The following PLEKHG1 variants were observed in gnomAD, a reference collection of about 807,000 sequenced individuals.
PLEKHG1 encodes the protein pleckstrin homology domain-containing family G member 1.
PLEKHG1 carries 44 observed loss-of-function variants against 100.8 expected under a neutral mutation model. That is an observed-to-expected ratio of 0.44 (90% CI 0.34 to 0.56). PLEKHG1 has a LOEUF of 0.56. PLEKHG1 is among the 20% of genes least tolerant of loss of function. The pLI, the probability that PLEKHG1 is intolerant of heterozygous loss-of-function variation, is 0.01. For missense variants in PLEKHG1, 1,545 were observed against 1,720.9 expected (o/e 0.90, Z 1.81); for synonymous variants, 640 against 662.5 (o/e 0.97, Z 0.52).
chr6:150,601,821 A>C (rs1776370956), intron 1 of PLEKHG1, among the ~76,000 whole-genome samples: 1 of 152,124 alleles, frequency 6.6e-6, no homozygotes, highest in Non-Finnish European at 1.5e-5. Context: ...AACTGCCCCG[A>C]TTCTGCTCGT....
chr6:150,754,147 T>G (rs1783686953), intron 2 of PLEKHG1, among the ~76,000 whole-genome samples: 2 of 152,164 alleles, frequency 1.3e-5, no homozygotes, highest in Non-Finnish European at 2.9e-5. Context: ...GGAGGATTCC[T>G]GGGAAGAATC....
chr6:150,619,278 T>A (rs1290191955), intron 1 of PLEKHG1, among the ~76,000 whole-genome samples: 1 of 152,234 alleles, frequency 6.6e-6, no homozygotes, highest in East Asian at 1.9e-4. Flanking sequence ...CCTTTGCACT[T>A]TAGCACCCCT....
rs111882498 is a variant in PLEKHG1 at position 150,811,271 on chromosome 6, ATGT to A, written c.1278+1539_1278+1541del. 9.8e-3 allele frequency among the ~76,000 whole-genome samples: 834 copies of A among 85,352 alleles called. 12 individuals carry two copies. In the East Asian group the frequency reaches 0.18, roughly 18 times the overall value. 56.0% of individuals were successfully genotyped at this position (85,352 alleles called of 152,430 possible). On this transcript the variant is annotated intron_variant, in intron 10 of 15. Coordinates refer to ENST00000358517, the Ensembl canonical transcript of PLEKHG1. The stretch of plus-strand genomic sequence containing the variant: ...TTACCTCAGTCTTAAAGGATAGGGA[ATGT>A]TTTTTTTTTTTTAAAGACAGGATCT...
intron 14 of PLEKHG1, 122 bp downstream of exon 15, chr6:150,823,798 G>A: frequency 1.4e-6 from 1 of 696,644 alleles, no homozygotes; most frequent in Non-Finnish European, 2.5e-6. Context: ...TTTACATTTT[G>A]GAAATATGGT....
At chr6:150,616,924 G>C (rs1294089601) in intron 1 of PLEKHG1, among the ~76,000 whole-genome samples, 1 of 152,032 alleles carries the variant, frequency 6.6e-6, no homozygotes, top group African/African-American at 2.4e-5. Context: ...GGTAAATGTT[G>C]AAGTTCTAGA....
chr6:150,667,102 T>G (rs1582914061), intron 3 of PLEKHG1, among the ~76,000 whole-genome samples: 1 of 149,614 alleles, frequency 6.7e-6, no homozygotes, highest in East Asian at 1.9e-4. Flanking sequence ...GTGTGTGTGT[T>G]TGTGTGTGTG....
At position 150,634,280 on chromosome 6, in the gene PLEKHG1, GA is replaced by G. The variant is rs10693410; in HGVS notation, c.-203-3790del. ...AAAAAAAAGAAAAAAAGAGGAAGAA[GA>G]AAAAAAAAAGAACTGTGATCAAGCA... On this transcript the variant is annotated intron_variant, in intron 1 of 3. Transcript: ENST00000367326. Among the ~76,000 whole-genome samples, 330 of 145,030 alleles carry G rather than the reference GA, an allele frequency of 2.3e-3. 3 individuals are homozygous for G. Among genetic ancestry groups the G allele is most frequent in the African/African-American group, 8.0e-3 (309 of 38,590 alleles).
chr6:150,619,922 TTTGAGGGCATAAA>T (rs1435572740), intron 1 of PLEKHG1, among the ~76,000 whole-genome samples: 1 of 152,150 alleles, frequency 6.6e-6, no homozygotes, highest in African/African-American at 2.4e-5. Flanking sequence ...CTGCTTATAG[TTTGAGGGCATAAA>T]TTGATGTCTT....
rs907130000 is a variant in PLEKHG1 at position 150,683,998 on chromosome 6, A to G, written c.-99+33212A>G. 2.8e-6 allele frequency: 1 copy of G among 361,574 alleles called. No homozygotes were observed. The highest frequency in any genetic ancestry group is 5.3e-6 in the Non-Finnish European group (1 of 187,772). The allele number at this position is 361,574 out of a possible 1,614,324, so 22.4% of individuals were successfully genotyped here. ...TATCAGGCAGCCTCCTCGGGCGGAG[A>G]CCGCAGGTAGATGTCCCTGGCCTCT... On this transcript the variant is annotated intron_variant, in intron 3 of 3. Transcript: ENST00000367326. The surrounding 1 kb of genome is among the most constrained non-coding windows in gnomAD (Gnocchi z 4.0).
At chr6:150,756,250 C>G (rs3734409) in intron 2 of PLEKHG1, among the ~76,000 whole-genome samples, 18,088 of 152,174 alleles carry the variant, frequency 0.12, 1,164 homozygotes, top group East Asian at 0.17. Flanking sequence ...CTTGCAGACA[C>G]CCTCCAGCTC....
At chr6:150,614,797 C>T (rs905151050) in intron 1 of PLEKHG1, among the ~76,000 whole-genome samples, 24 of 152,208 alleles carry the variant, frequency 1.6e-4, no homozygotes, top group African/African-American at 5.3e-4. Flanking sequence ...TACTTCTGGT[C>T]AGTGCACCAC....
intron 1 of PLEKHG1, among the ~76,000 whole-genome samples, chr6:150,722,349 C>CTTTTTTT (rs139069069): frequency 1.2e-4 from 11 of 90,672 alleles, no homozygotes; most frequent in Non-Finnish European, 1.9e-4. Context: ...TTTTTCTTTT[C>CTTTTTTT]TTTTTTTTTT....
At chr6:150,722,682 A>C (rs1781762036) in intron 1 of PLEKHG1, among the ~76,000 whole-genome samples, 1 of 152,030 alleles carries the variant, frequency 6.6e-6, no homozygotes, top group African/African-American at 2.4e-5. Context: ...AACATGTCTA[A>C]TGTACTTCAT....
At chr6:150,781,752 TA>T (rs1785322647) in intron 3 of PLEKHG1, among the ~76,000 whole-genome samples, 1 of 151,914 alleles carries the variant, frequency 6.6e-6, no homozygotes, top group Non-Finnish European at 1.5e-5. Context: ...GGGACTGTTT[TA>T]AAAGATCCTT....
chr6:150,795,110 C>T (rs1786238981), intron 4 of PLEKHG1, among the ~76,000 whole-genome samples: 1 of 151,994 alleles, frequency 6.6e-6, no homozygotes, highest in African/African-American at 2.4e-5. Flanking sequence ...ATTTCAAGGC[C>T]AGGCATAGTG....
At chr6:150,770,647 A>G (rs192889780) in intron 3 of PLEKHG1, among the ~76,000 whole-genome samples, 1 of 152,346 alleles carries the variant, frequency 6.6e-6, no homozygotes, top group East Asian at 1.9e-4. Context: ...GAAAAAGAAA[A>G]TAGAGAAAGG....
Position 150,656,279 on chromosome 6 carries a change from A to T in PLEKHG1, c.-99+5493A>T, listed in dbSNP as rs558578500. Among the ~76,000 whole-genome samples the T allele has an allele frequency of 1.1e-4, 16 of 149,898 alleles. No individual in the cohort carries two copies. The South Asian group carries it at 1.3e-3, about 12-fold the overall frequency. ...CTTGAGAGAAAAAGGATATGAGTTT[A>T]AAAAAAAAATACTTGTTTTCTCTCA... On this transcript the variant is annotated intron_variant, in intron 3 of 3. Coordinates refer to the PLEKHG1 transcript ENST00000367326.
At chr6:150,796,921 C>T (rs745624205) in intron 5 of PLEKHG1, among the ~76,000 whole-genome samples, 3 of 152,106 alleles carry the variant, frequency 2.0e-5, no homozygotes, top group Non-Finnish European at 2.9e-5. Flanking sequence ...TGTGATTCTC[C>T]CCCTGCCTTT....
chr6:150,741,049 T>G (rs1169071756), intron 2 of PLEKHG1, among the ~76,000 whole-genome samples: 1 of 152,112 alleles, frequency 6.6e-6, no homozygotes, highest in Non-Finnish European at 1.5e-5. Context: ...GTGGCAACAG[T>G]GAGTGATTTT....
Sources: allele counts gnomAD v4.1 joint callset (sites outside exome capture counted in the v4.1 genomes callset), GRCh38; gene constraint gnomAD v4.1.1; non-coding constraint Gnocchi (gnomAD v3.1); transcripts MANE v1.5; gene names NCBI Gene and HGNC (gene_info 2026-07-23, HGNC 2026-07-21).